The following TDRD3 variants were observed in gnomAD, a reference collection of about 807,000 sequenced individuals.
TDRD3 encodes the protein tudor domain containing 3.
Under a neutral mutation model 86.7 loss-of-function variants are expected in TDRD3, and 45 were observed. The observed-to-expected ratio is 0.52, with a 90% CI of 0.41 to 0.67. TDRD3 has a LOEUF of 0.67. Ranked by LOEUF, TDRD3 falls within the 30% of genes least tolerant of loss-of-function variation. The pLI is 0.00. For synonymous variants in TDRD3, 298 were observed against 301.7 expected (o/e 0.99, Z 0.13); for missense variants, 814 against 889.0 (o/e 0.92, Z 1.07).
At chr13:60,458,471 G>T (rs1955728724) in intron 3 of TDRD3, among the ~76,000 whole-genome samples, 1 of 152,202 alleles carries the variant, frequency 6.6e-6, no homozygotes, top group Non-Finnish European at 1.5e-5. Context: ...GACCTGTGTT[G>T]TATGGATTGA....
chr13:60,513,592 T>C (rs1957104800), intron 10 of TDRD3, among the ~76,000 whole-genome samples: 1 of 152,210 alleles, frequency 6.6e-6, no homozygotes, highest in Non-Finnish European at 1.5e-5. Flanking sequence ...TCATCTTGAA[T>C]TCCCACATGT....
intron 3 of TDRD3, among the ~76,000 whole-genome samples, chr13:60,449,991 A>G (rs1056525134): frequency 1.3e-5 from 2 of 152,038 alleles, no homozygotes; most frequent in African/African-American, 2.4e-5. Context: ...AATTCTAATA[A>G]TTCTTGTTCT....
chr13:60,421,186 T>C (rs541787133), intron 1 of TDRD3, among the ~76,000 whole-genome samples: 36 of 144,620 alleles, frequency 2.5e-4, no homozygotes, highest in Non-Finnish European at 4.7e-4. Context: ...CGAGACTGGG[T>C]AATTAATAAA....
intron 2 of TDRD3, among the ~76,000 whole-genome samples, chr13:60,443,096 TG>T (rs1442802216): frequency 6.6e-6 from 1 of 152,028 alleles, no homozygotes; most frequent in African/African-American, 2.4e-5. Context: ...ATGATGGTTA[TG>T]TATGTTCAGA....
At chr13:60,552,181 C>T (rs763875268) in intron 12 of TDRD3, among the ~76,000 whole-genome samples, 7 of 152,212 alleles carry the variant, frequency 4.6e-5, no homozygotes, top group Non-Finnish European at 1.0e-4. Flanking sequence ...TCCCATCTGC[C>T]TTTGAGCCTG....
chr13:60,487,716 A>C (rs1208273099), intron 7 of TDRD3, among the ~76,000 whole-genome samples: 2 of 152,096 alleles, frequency 1.3e-5, no homozygotes, highest in African/African-American at 4.8e-5. Context: ...GGCTATTGTG[A>C]CTAGTGCTGC....
At chr13:60,453,186 T>C (rs1955587595) in intron 3 of TDRD3, among the ~76,000 whole-genome samples, 1 of 152,160 alleles carries the variant, frequency 6.6e-6, no homozygotes. Flanking sequence ...ATGTATATAA[T>C]AAGCCTTTCA....
At chr13:60,398,028 C>T (rs1288721012) in intron 1 of TDRD3, among the ~76,000 whole-genome samples, 2 of 152,148 alleles carry the variant, frequency 1.3e-5, no homozygotes, top group South Asian at 2.1e-4. Context: ...TGGGGGTGCT[C>T]GGTAGAACTT....
intron 8 of TDRD3, among the ~76,000 whole-genome samples, chr13:60,497,666 T>C (rs943985737): frequency 6.6e-6 from 1 of 152,152 alleles, no homozygotes; most frequent in East Asian, 1.9e-4. Context: ...GTGTCTACTT[T>C]TAAAGTGAGG....
At chr13:60,532,657 CTTCT>C (rs1317320265) in intron 11 of TDRD3, among the ~76,000 whole-genome samples, 2 of 152,102 alleles carry the variant, frequency 1.3e-5, no homozygotes, top group Non-Finnish European at 2.9e-5. Context: ...AATATCTTGC[CTTCT>C]TTCTAACTTC....
At chr13:60,546,772 G>T (rs1957948913) in intron 12 of TDRD3, among the ~76,000 whole-genome samples, 1 of 152,072 alleles carries the variant, frequency 6.6e-6, no homozygotes, top group Non-Finnish European at 1.5e-5. Flanking sequence ...TAAGGGAAAA[G>T]TTATTTTTAA....
In TDRD3 at chr13:60,569,781, A is replaced by T. The variant is rs995144779; in HGVS notation, c.*9+2131A>T. Among the ~76,000 whole-genome samples, 3 of 152,270 alleles carry T rather than the reference A, an allele frequency of 2.0e-5. No homozygotes were observed. In the East Asian group the frequency reaches 5.8e-4, roughly 29 times the overall value. On this transcript the variant is annotated intron_variant, in intron 13 of 13. Transcript: ENST00000377881. ...AAATAAAGCTCTATATTTACAGCCA[A>T]CTCATTCTTGACATAGGTGCCAAGA...
At chr13:60,446,272 G>C (rs1402019166) in intron 3 of TDRD3, among the ~76,000 whole-genome samples, 1 of 151,964 alleles carries the variant, frequency 6.6e-6, no homozygotes, top group African/African-American at 2.4e-5. Context: ...GCCCAGGCTG[G>C]AGTGCAGTGA....
intron 10 of TDRD3, among the ~76,000 whole-genome samples, chr13:60,511,982 C>G (rs1319151403): frequency 2.6e-5 from 4 of 152,058 alleles, no homozygotes; most frequent in Non-Finnish European, 5.9e-5. Flanking sequence ...CTTTGATTTC[C>G]TTTCATCCTC....
rs137953436 is a variant in TDRD3 at position 60,405,909 on chromosome 13, T to G, written c.41+8504T>G. ...GAGCAGCAGATCGACTTGACAGATA[T>G]TTGGAAGGTAAATGGACAGGACTTT... is the stretch of plus-strand genomic sequence containing the variant. On this transcript the variant is annotated intron_variant, in intron 1 of 13. Coordinates refer to ENST00000377881, the MANE Select transcript of TDRD3 (RefSeq NM_001146070.2). Among the ~76,000 whole-genome samples, 468 of 152,222 alleles carry G rather than the reference T, an allele frequency of 3.1e-3. 2 individuals carry two copies. Among genetic ancestry groups the G allele is most frequent in the African/African-American group, 0.011 (444 of 41,524 alleles).
At chr13:60,525,276 C>G (rs1476094402) in intron 10 of TDRD3, among the ~76,000 whole-genome samples, 3 of 140,886 alleles carry the variant, frequency 2.1e-5, no homozygotes, top group African/African-American at 7.8e-5. Context: ...CGGGTTCAAG[C>G]AATTCTCCCA....
chr13:60,396,526 A>C (rs1200679194), upstream of TDRD3: 1 of 152,496 alleles, frequency 6.6e-6, no homozygotes, highest in African/African-American at 2.4e-5. Context: ...TGTGGTTGCC[A>C]GATCTGGCAG....
At chr13:60,493,472 G>T (rs1956645003) in intron 7 of TDRD3, among the ~76,000 whole-genome samples, 1 of 151,880 alleles carries the variant, frequency 6.6e-6, no homozygotes, top group Non-Finnish European at 1.5e-5. Context: ...GACCAGCCTG[G>T]CCAACATGGT....
intron 12 of TDRD3, among the ~76,000 whole-genome samples, chr13:60,548,749 G>A (rs1412707397): frequency 6.6e-6 from 1 of 151,492 alleles, no homozygotes; most frequent in Admixed American, 6.6e-5. Context: ...TAATACTTAC[G>A]CTGGCAAGGA....
Sources: gnomAD v4.1 joint callset for allele counts (sites outside exome capture counted in the v4.1 genomes callset) on GRCh38, gnomAD v4.1.1 for gene constraint, MANE v1.5 for transcripts, NCBI Gene and HGNC (gene_info 2026-07-23, HGNC 2026-07-21) for gene names.